DPYD: variants seen among roughly 807,000 people sequenced by gnomAD.
DPYD encodes the protein dihydropyrimidine dehydrogenase [NADP(+)].
DPYD carries 109 observed loss-of-function variants against 116.2 expected under a neutral mutation model. That is an observed-to-expected ratio of 0.94 (90% CI 0.80 to 1.10). DPYD has a LOEUF of 1.10. Among genes scored for constraint, DPYD ranks in the 50% least tolerant of loss-of-function variants. The pLI is 0.00. For synonymous variants in DPYD, 440 were observed against 432.0 expected, an observed-to-expected ratio of 1.02 and a Z score of -0.23; for missense variants, 1,302 against 1,254.5, an observed-to-expected ratio of 1.04 and a Z score of -0.57.
At chr1:97,883,750 T>C in intron 1 of DPYD, 1 of 373,238 alleles carries the variant, frequency 2.7e-6, no homozygotes, top group South Asian at 2.2e-5. Flanking sequence ...TCTGGTAGCA[T>C]TTTTAGGAAT....
At chr1:97,161,740 G>C (rs1655917707) in intron 20 of DPYD, among the ~76,000 whole-genome samples, 1 of 93,464 alleles carries the variant, frequency 1.1e-5, no homozygotes, top group Non-Finnish European at 1.9e-5. Context: ...CCCCACAACA[G>C]TCCCCAGAGT....
In DPYD at chr1:97,472,540, A is replaced by G. The variant is rs534526119; in HGVS notation, c.1741-22317T>C. Among the ~76,000 whole-genome samples, 3 of 152,348 alleles carry G rather than the reference A, an allele frequency of 2.0e-5. No homozygotes were observed. The South Asian group carries it at 6.2e-4, about 32-fold the overall frequency. ...TCACTTGGATTTCAGTTGTGCAACC[A>G]AAACAAAACTTATATACATATTAGC... On this transcript the variant is annotated intron_variant, in intron 13 of 22. Transcript: ENST00000370192.
intron 20 of DPYD, among the ~76,000 whole-genome samples, chr1:97,176,802 T>C (rs1657292154): frequency 3.3e-5 from 5 of 151,000 alleles, no homozygotes; most frequent in Admixed American, 3.3e-4. Context: ...AGGGGTCAAA[T>C]GACCATACAA....
intron 3 of DPYD, among the ~76,000 whole-genome samples, chr1:97,793,195 T>C (rs1667401253): frequency 1.3e-5 from 2 of 152,180 alleles, no homozygotes; most frequent in African/African-American, 2.4e-5. Flanking sequence ...AAAACTACCA[T>C]GCTGAGAAAA....
chr1:97,893,443 T>TATAC (rs960704563), intron 1 of DPYD, among the ~76,000 whole-genome samples: 6 of 139,860 alleles, frequency 4.3e-5, no homozygotes, highest in African/African-American at 2.6e-5. Flanking sequence ...TATATATATA[T>TATAC]ATATATATAT....
intron 2 of DPYD, among the ~76,000 whole-genome samples, chr1:97,875,670 CCTCT>C (rs1671877358): frequency 6.6e-6 from 1 of 151,772 alleles, no homozygotes. Flanking sequence ...TATATTTTTC[CCTCT>C]CTAATTTTTT....
intron 2 of DPYD, among the ~76,000 whole-genome samples, chr1:97,834,518 A>C (rs1205781871): frequency 2.0e-5 from 3 of 152,000 alleles, no homozygotes; most frequent in Non-Finnish European, 2.9e-5. Flanking sequence ...TTTTGAAGGA[A>C]CCTCAGAGAA....
chr1:97,216,701 A>G (rs886801068), intron 19 of DPYD, among the ~76,000 whole-genome samples: 2 of 152,180 alleles, frequency 1.3e-5, no homozygotes, highest in African/African-American at 4.8e-5. Flanking sequence ...AGACTGAGGC[A>G]GGAGAATTGT....
intron 18 of DPYD, among the ~76,000 whole-genome samples, chr1:97,293,878 G>A (rs530753110): frequency 1.4e-5 from 2 of 142,002 alleles, no homozygotes; most frequent in East Asian, 4.3e-4. Context: ...AACCCGGGAG[G>A]TGGAGGTTGC....
chr1:97,601,716 AAG>A (rs1479413223), intron 8 of DPYD, among the ~76,000 whole-genome samples: 3 of 152,020 alleles, frequency 2.0e-5, no homozygotes, highest in Non-Finnish European at 2.9e-5. Context: ...ATTGATGAGA[AAG>A]AGAATAGATC....
chr1:97,721,483 G>A (rs777676416), intron 5 of DPYD, 27 bp downstream of exon 5: 11 of 1,609,724 alleles, frequency 6.8e-6, no homozygotes, highest in Non-Finnish European at 9.3e-6. Context: ...TGGTAGTGGG[G>A]GGATGTCACG....
At chr1:97,703,354 G>C (rs952784851) in intron 5 of DPYD, among the ~76,000 whole-genome samples, 3 of 151,972 alleles carry the variant, frequency 2.0e-5, no homozygotes, top group Admixed American at 6.6e-5. Flanking sequence ...AATTGAACAA[G>C]TCCTTTAACA....
chr1:97,504,305 G>A (rs1679761146), intron 13 of DPYD, among the ~76,000 whole-genome samples: 1 of 151,940 alleles, frequency 6.6e-6, no homozygotes, highest in African/African-American at 2.4e-5. Flanking sequence ...GTTGCTAAAA[G>A]ATGAGCTAAA....
At chr1:97,520,945 T>C (rs1485225297) in intron 12 of DPYD, among the ~76,000 whole-genome samples, 1 of 152,186 alleles carries the variant, frequency 6.6e-6, no homozygotes. Context: ...TGTGTGTGCA[T>C]ATCTCTTTAT....
chr1:97,498,311 C>G (rs191200716), intron 13 of DPYD, among the ~76,000 whole-genome samples: 3 of 151,542 alleles, frequency 2.0e-5, no homozygotes, highest in Admixed American at 6.6e-5. Flanking sequence ...GGATTTTATA[C>G]GTAAATTATA....
intron 21 of DPYD, among the ~76,000 whole-genome samples, chr1:97,094,422 G>A (rs1220051649): frequency 6.6e-6 from 1 of 152,100 alleles, no homozygotes; most frequent in Non-Finnish European, 1.5e-5. Context: ...AACACACTGA[G>A]GCCTCAGCAT....
chr1:97,716,995 T>A (rs1370551840), intron 5 of DPYD, among the ~76,000 whole-genome samples: 1 of 152,054 alleles, frequency 6.6e-6, no homozygotes, highest in Non-Finnish European at 1.5e-5. Flanking sequence ...TGTGATGTTT[T>A]GATAGATGCA....
At chr1:97,871,725 C>A (rs1269915756) in intron 2 of DPYD, among the ~76,000 whole-genome samples, 1 of 151,614 alleles carries the variant, frequency 6.6e-6, no homozygotes, top group East Asian at 2.0e-4. Flanking sequence ...AATTTCTGGG[C>A]AATAGAGGAA....
intron 15 of DPYD, among the ~76,000 whole-genome samples, chr1:97,380,705 T>C (rs1203980895): frequency 6.6e-6 from 1 of 152,216 alleles, no homozygotes; most frequent in Non-Finnish European, 1.5e-5. Context: ...ATTTCTTACA[T>C]CCCTATATCA....
Sources: allele counts gnomAD v4.1 joint callset (sites outside exome capture counted in the v4.1 genomes callset), GRCh38; gene constraint gnomAD v4.1.1; transcripts MANE v1.5; gene names NCBI Gene and HGNC (gene_info 2026-07-23, HGNC 2026-07-21).